The following ATG7 variants were observed in gnomAD, a reference collection of about 807,000 sequenced individuals.
ATG7 encodes ubiquitin-like modifier-activating enzyme ATG7.
In ATG7, 70 loss-of-function variants were observed where a neutral mutation model predicts 82.4. That is an observed-to-expected ratio of 0.85 (90% CI 0.70 to 1.04). ATG7 has a LOEUF of 1.04. Among genes scored for constraint, ATG7 ranks in the 50% least tolerant of loss-of-function variants. The pLI is 0.00. For missense variants in ATG7, 792 were observed against 864.3 expected (o/e 0.92, Z 1.05); for synonymous variants, 287 against 313.0 (o/e 0.92, Z 0.88).
chr3:11,319,427 T>C (rs747870038), intron 9 of ATG7, among the ~76,000 whole-genome samples: 24 of 152,238 alleles, frequency 1.6e-4, no homozygotes, highest in Non-Finnish European at 3.4e-4. Flanking sequence ...AAGTCACTGC[T>C]GCTCTTTGAG....
chr3:11,393,108 C>T (rs964507548), intron 19 of ATG7, among the ~76,000 whole-genome samples: 4 of 152,274 alleles, frequency 2.6e-5, no homozygotes, highest in South Asian at 4.1e-4. Flanking sequence ...TGTCCAGACC[C>T]AGGACCAGAG....
intron 20 of ATG7, among the ~76,000 whole-genome samples, chr3:11,465,996 G>A (rs1486179660): frequency 6.6e-6 from 1 of 152,052 alleles, no homozygotes; most frequent in East Asian, 1.9e-4. Context: ...TTTCACAGAG[G>A]GCAGTAAAAT....
chr3:11,350,886 C>T (rs906643944), intron 14 of ATG7, among the ~76,000 whole-genome samples: 1 of 131,014 alleles, frequency 7.6e-6, no homozygotes, highest in East Asian at 2.4e-4. Context: ...GCCAGAAGTT[C>T]GAGACCAGCC....
At chr3:11,438,789 C>A (rs956483519) in intron 20 of ATG7, among the ~76,000 whole-genome samples, 10 of 152,008 alleles carry the variant, frequency 6.6e-5, no homozygotes, top group African/African-American at 2.4e-4. Flanking sequence ...TAAAGGAATT[C>A]TTGGAGATCA....
At chr3:11,516,040 A>C (rs916090475) in intron 20 of ATG7, among the ~76,000 whole-genome samples, 13 of 151,526 alleles carry the variant, frequency 8.6e-5, no homozygotes, top group Non-Finnish European at 1.8e-4. Flanking sequence ...TTAAAAAAAA[A>C]AAAAAACAAA....
At chr3:11,363,885 G>C (rs2076430633) in intron 17 of ATG7, among the ~76,000 whole-genome samples, 1 of 152,288 alleles carries the variant, frequency 6.6e-6, no homozygotes, top group South Asian at 2.1e-4. Context: ...TATGTAACTA[G>C]TATGGGTACT....
chr3:11,274,675 A>G (rs2152613410), intron 1 of ATG7, among the ~76,000 whole-genome samples: 1 of 152,270 alleles, frequency 6.6e-6, no homozygotes, highest in East Asian at 1.9e-4. Context: ...GCTGCGTACC[A>G]ATATTCCCAT....
chr3:11,422,095 A>T (rs1181568856), intron 19 of ATG7, among the ~76,000 whole-genome samples: 1 of 152,162 alleles, frequency 6.6e-6, no homozygotes, highest in Admixed American at 6.5e-5. Flanking sequence ...GGGCCCTAGG[A>T]TTTTTAGAAT....
chr3:11,363,113 T>G, intron 17 of ATG7, 185 bp downstream of exon 17: 1 of 566,866 alleles, frequency 1.8e-6, no homozygotes, highest in Non-Finnish European at 3.1e-6. Context: ...ATGTTTCCTT[T>G]GTGGCCACAT....
downstream of ATG7, chr3:11,558,402 CAG>C (rs1423381340): frequency 7.2e-5 from 92 of 1,284,658 alleles, no homozygotes; most frequent in East Asian, 4.1e-4. Flanking sequence ...AGTACAAAAA[CAG>C]AACACAAATC....
At chr3:11,493,131 G>T (rs1032846282) in intron 20 of ATG7, among the ~76,000 whole-genome samples, 1 of 152,246 alleles carries the variant, frequency 6.6e-6, no homozygotes, top group Non-Finnish European at 1.5e-5. Context: ...TATGGTGAAT[G>T]CAGACAATTT....
At chr3:11,357,543 A>T (rs2076009517) in intron 14 of ATG7, among the ~76,000 whole-genome samples, 1 of 152,188 alleles carries the variant, frequency 6.6e-6, no homozygotes, top group Non-Finnish European at 1.5e-5. Flanking sequence ...GAGGTTTTTT[A>T]AAATGCATAT....
chr3:11,397,518 T>G (rs1038594152), intron 19 of ATG7, among the ~76,000 whole-genome samples: 1 of 151,930 alleles, frequency 6.6e-6, no homozygotes, highest in Non-Finnish European at 1.5e-5. Flanking sequence ...AGTGCAGTGG[T>G]ACGATCTTGG....
At position 11,368,250 on chromosome 3, in the gene ATG7, A is replaced by AAG. The variant is rs1553631422; in HGVS notation, c.1875+3517_1875+3518insGA. Among the ~76,000 whole-genome samples, 383 of 150,178 alleles carry AAG rather than the reference A, an allele frequency of 2.6e-3. 3 individuals are homozygous for AAG. The highest frequency in any genetic ancestry group is 8.9e-3 in the African/African-American group (361 of 40,680). ...TACTTAAAAAAAAAAAAAAAAAAAA[A>AAG]AAGAAGAAGAAGAAGAAGGAAAGAA... is the stretch of plus-strand genomic sequence containing the variant. On this transcript the variant is annotated intron_variant, in intron 18 of 20. Transcript: ENST00000693202.
At chr3:11,497,357 CTATATATATATA>C (rs58838386) in intron 20 of ATG7, among the ~76,000 whole-genome samples, 16,095 of 57,320 alleles carry the variant, frequency 0.28, 2,174 homozygotes, top group Admixed American at 0.34. Flanking sequence ...ACTAAAAATA[CTATATATATATA>C]TATATATATA....
chr3:11,348,872 CT>C (rs1386739576), intron 14 of ATG7: 1 of 151,864 alleles, frequency 6.6e-6, no homozygotes, highest in Non-Finnish European at 1.5e-5. Flanking sequence ...AGAGTTCTGA[CT>C]GGTGCATTTA....
At chr3:11,573,398 A>G in the ATG7 span, among the ~76,000 whole-genome samples, 1 of 150,618 alleles carries the variant, frequency 6.6e-6, no homozygotes, top group Non-Finnish European at 1.5e-5. Context: ...AAAGAAAGAA[A>G]ATGGCCCCAT....
chr3:11,570,348 A>G, the ATG7 span, among the ~76,000 whole-genome samples: 2 of 152,112 alleles, frequency 1.3e-5, no homozygotes, highest in Non-Finnish European at 2.9e-5. Context: ...GAGACACAGG[A>G]AAGGAGCAGT....
At chr3:11,383,331 A>G (rs143930165) in intron 19 of ATG7, among the ~76,000 whole-genome samples, 1,666 of 152,030 alleles carry the variant, frequency 0.011, 14 homozygotes, top group Middle Eastern at 0.02. Flanking sequence ...CTCCATGTGG[A>G]TTTGTCTGAT....
Sources: allele counts gnomAD v4.1 joint callset (sites outside exome capture counted in the v4.1 genomes callset), GRCh38; gene constraint gnomAD v4.1.1; transcripts MANE v1.5; gene names NCBI Gene and HGNC (gene_info 2026-07-23, HGNC 2026-07-21).